Variants in DPF3 observed in about 807,000 individuals in gnomAD.
DPF3 encodes the protein double PHD fingers 3.
A neutral mutation model predicts 56.8 loss-of-function variants in DPF3; 18 were observed. The observed-to-expected ratio is 0.32, with a 90% confidence interval of 0.22 to 0.47. The LOEUF is 0.47. Ranked by LOEUF, DPF3 falls within the 20% of genes least tolerant of loss-of-function variation. DPF3 has a pLI of 1.00. For synonymous variants in DPF3, 188 were observed against 180.2 expected, an observed-to-expected ratio of 1.04 and a Z score of -0.35; for missense variants, 403 against 488.8, an observed-to-expected ratio of 0.82 and a Z score of 1.65.
chr14:72,643,388 T>G (rs1330790373), intron 8 of DPF3, among the ~76,000 whole-genome samples: 1 of 152,214 alleles, frequency 6.6e-6, no homozygotes, highest in Non-Finnish European at 1.5e-5. Context: ...GAAGCCAGAC[T>G]TGCTTACATG....
intron 1 of DPF3, among the ~76,000 whole-genome samples, chr14:72,790,217 T>C (rs1260375443): frequency 1.3e-5 from 2 of 152,132 alleles, no homozygotes; most frequent in Admixed American, 6.5e-5. Flanking sequence ...CGAGACCCCA[T>C]CTCTTAAAAA....
chr14:72,712,905 G>A (rs1033176929), intron 6 of DPF3, among the ~76,000 whole-genome samples: 9 of 152,192 alleles, frequency 5.9e-5, no homozygotes, highest in African/African-American at 1.9e-4. Context: ...ATGAATAAAC[G>A]AAGAATATAG....
intron 1 of DPF3, among the ~76,000 whole-genome samples, chr14:72,884,971 T>TATGTATA (rs10523148): frequency 9.0e-6 from 1 of 111,688 alleles, no homozygotes; most frequent in Non-Finnish European, 1.9e-5. Context: ...TATATATATA[T>TATGTATA]TAGCCGGGCG....
intron 1 of DPF3, among the ~76,000 whole-genome samples, chr14:72,882,807 C>A (rs983177198): frequency 3.3e-5 from 5 of 152,190 alleles, no homozygotes; most frequent in African/African-American, 1.2e-4. Context: ...CCCCTCTCCC[C>A]ACTCCCCTCA....
At chr14:72,639,867 T>TAG (rs986077778) in intron 8 of DPF3, among the ~76,000 whole-genome samples, 11 of 151,684 alleles carry the variant, frequency 7.3e-5, no homozygotes, top group African/African-American at 1.2e-4. Flanking sequence ...CTATTATATA[T>TAG]AGAGAGAGAG....
chr14:72,777,344 ACAGGGGG>A (rs1891784487), intron 1 of DPF3, among the ~76,000 whole-genome samples: 1 of 152,256 alleles, frequency 6.6e-6, no homozygotes, highest in South Asian at 2.1e-4. Flanking sequence ...TAACTGGCAC[ACAGGGGG>A]CAATATCTGG....
intron 2 of DPF3, among the ~76,000 whole-genome samples, chr14:72,756,917 A>AGAAAGAAAGAAAGAAAGAAC (rs1890850101): frequency 1.4e-5 from 2 of 142,212 alleles, no homozygotes; most frequent in Non-Finnish European, 3.0e-5. Flanking sequence ...AAAGAAAGAA[A>AGAAAGAAAGAAAGAAAGAAC]GAAAGAAAGA....
chr14:72,851,861 G>A (rs775869594), intron 1 of DPF3, among the ~76,000 whole-genome samples: 14 of 152,356 alleles, frequency 9.2e-5, no homozygotes, highest in Non-Finnish European at 1.6e-4. Flanking sequence ...AGGACAGCTC[G>A]CCCAGCCTCC....
At chr14:72,714,566 G>A (rs548760004) in intron 5 of DPF3, 65 bp from the exon 6 acceptor site, 10 of 1,562,568 alleles carry the variant, frequency 6.4e-6, no homozygotes, top group South Asian at 2.3e-5. Context: ...CGGAGCATGC[G>A]CTCTGCGAGC....
rs537986154 is a variant in DPF3, at chr14:72,831,797, AAGGT to A, written c.33-59908_33-59905del. On this transcript the variant is annotated intron_variant, in intron 1 of 10. Coordinates refer to ENST00000556509, the MANE Select transcript of DPF3 (RefSeq NM_001280542.3). ...CTCACACAGGCACACATGTGCATAA[AAGGT>A]AGGGAAAGAGGAAAACAAATGTAGC... 7.9e-5 allele frequency among the ~76,000 whole-genome samples: 12 copies of A among 152,372 alleles called. No homozygotes were observed. In the South Asian group the frequency reaches 2.3e-3, roughly 29 times the overall value.
At chr14:72,773,153 G>A (rs1437368095) in intron 1 of DPF3, among the ~76,000 whole-genome samples, 1 of 134,658 alleles carries the variant, frequency 7.4e-6, no homozygotes, top group Non-Finnish European at 1.5e-5. Flanking sequence ...TTTTTTTTGA[G>A]ATGGAGTCTC....
intron 1 of DPF3, among the ~76,000 whole-genome samples, chr14:72,787,226 A>G (rs1892247188): frequency 6.6e-6 from 1 of 152,156 alleles, no homozygotes; most frequent in Non-Finnish European, 1.5e-5. Flanking sequence ...CACACGGCCC[A>G]CAGAAGCCCA....
Position 72,634,810 on chromosome 14 carries a change from C to T in DPF3, c.872-5074G>A, listed in dbSNP as rs1357566567. On this transcript the variant is annotated intron_variant, in intron 8 of 10. Coordinates refer to ENST00000556509, the MANE Select transcript of DPF3 (RefSeq NM_001280542.3). The stretch of plus-strand genomic sequence containing the variant: ...CCCATATTGCTATTTAAATAGCCTA[C>T]TATAGTGGAGGGAAGACAACCCTTC... Among the ~76,000 whole-genome samples, 3 of 152,054 alleles carry T rather than the reference C, an allele frequency of 2.0e-5. No individual in the cohort carries two copies. In the East Asian group the frequency reaches 5.8e-4, roughly 29 times the overall value.
chr14:72,863,154 G>A (rs1440623704), intron 1 of DPF3, among the ~76,000 whole-genome samples: 19 of 54,498 alleles, frequency 3.5e-4, no homozygotes, highest in African/African-American at 9.7e-4. Flanking sequence ...ATATGTGTGT[G>A]TGTGTGTGTG....
At chr14:72,665,784 C>A (rs1354643711) in intron 8 of DPF3, among the ~76,000 whole-genome samples, 2 of 152,114 alleles carry the variant, frequency 1.3e-5, no homozygotes, top group African/African-American at 4.8e-5. Context: ...AGCATTGCAT[C>A]GATGTGAATT....
rs1299296830 is a variant in DPF3 at position 72,884,962 on chromosome 14, A to ATATATATATG, written c.32+9094_32+9095insCATATATATA. ...ATACTATATATATATATATATATAT[A>ATATATATATG]TATATATATTAGCCGGGCGTAAGGC... On this transcript the variant is annotated intron_variant, in intron 1 of 10. Coordinates refer to ENST00000556509, the MANE Select transcript of DPF3 (RefSeq NM_001280542.3). Among the ~76,000 whole-genome samples the ATATATATATG allele has an allele frequency of 1.9e-5, 2 of 105,788 alleles. 1 individual carries two copies. Among genetic ancestry groups the ATATATATATG allele is most frequent in the Non-Finnish European group, 3.9e-5 (2 of 50,806 alleles). The allele number at this position is 105,788 out of a possible 152,430, so 69.4% of individuals were successfully genotyped here.
chr14:72,750,734 G>C (rs1347800749), intron 3 of DPF3, among the ~76,000 whole-genome samples: 1 of 119,882 alleles, frequency 8.3e-6, no homozygotes, highest in Non-Finnish European at 1.6e-5. Flanking sequence ...AAAGAGGAGG[G>C]AAAGTCAGAT....
chr14:72,754,395 C>T (rs572906253), intron 2 of DPF3, among the ~76,000 whole-genome samples: 3 of 152,310 alleles, frequency 2.0e-5, no homozygotes, highest in South Asian at 4.2e-4. Flanking sequence ...AAGACAGGGA[C>T]TTTTTTGTCT....
At chr14:72,693,050 C>T (rs1489104407) in intron 7 of DPF3, 26 bp downstream of exon 7, 2 of 1,613,474 alleles carry the variant, frequency 1.2e-6, no homozygotes, top group East Asian at 2.2e-5. Flanking sequence ...TTCTTCACTG[C>T]CCCAACCTAA....
Sources: gnomAD v4.1 joint callset for allele counts (sites outside exome capture counted in the v4.1 genomes callset) on GRCh38, gnomAD v4.1.1 for gene constraint, MANE v1.5 for transcripts, NCBI Gene and HGNC (gene_info 2026-07-23, HGNC 2026-07-21) for gene names.